GRM5: variants seen among roughly 807,000 people sequenced by gnomAD.
The protein encoded by GRM5 is glutamate metabotropic receptor 5, also known as metabotropic glutamate receptor 5.
Under a neutral mutation model 83.1 loss-of-function variants are expected in GRM5, and 19 were observed. The observed-to-expected ratio is 0.23, with a 90% CI of 0.16 to 0.34. GRM5 has a LOEUF of 0.34. GRM5 is among the 10% of genes least tolerant of loss of function. The pLI is 1.00. For synonymous variants in GRM5, 675 were observed against 633.6 expected (o/e 1.07, Z -0.98); for missense variants, 1,160 against 1,588.3 (o/e 0.73, Z 4.58).
chr11:89,047,450 C>G lies in GRM5; in HGVS notation c.423G>C (p.Lys141Asn), dbSNP rs1298226315. 2 of 1,614,062 alleles carry G rather than the reference C, an allele frequency of 1.2e-6. No homozygotes were observed. The highest frequency in any genetic ancestry group is 1.7e-6 in the Non-Finnish European group (2 of 1,180,012). The change falls in exon 2 of 10, where the codon AAG (lysine) becomes AAC (asparagine). Residue 141 changes from lysine to asparagine, a missense_variant. By Grantham distance (94) the Lys-to-Asn change is moderately conservative. Around this residue, in one of 9 missense-constraint regions of GRM5, gnomAD observed 39 missense variants for 36.7 expected, o/e 1.06. Coordinates refer to ENST00000305447, the MANE Select transcript of GRM5 (RefSeq NM_001143831.3). This position sits in a 1 kb window ranked among gnomAD's most constrained non-coding sequence, Gnocchi z 5.1. ...CAGGCCCAATGACCCCTACTATGGG[C>G]TTCTTGGAGCGGAAGGAAGAGGAGG... ...DGSSSSFRSK[K>N]PIVGVIGPGS... is the part of the protein sequence containing the mutation.
intron 2 of GRM5, among the ~76,000 whole-genome samples, chr11:88,955,947 T>C (rs1386683433): frequency 6.6e-6 from 1 of 152,252 alleles, no homozygotes; most frequent in Non-Finnish European, 1.5e-5. Flanking sequence ...TTAAAGTTCC[T>C]ATAAGATAGG....
chr11:89,012,366 C>A (rs1349509712), intron 2 of GRM5, among the ~76,000 whole-genome samples: 2 of 152,166 alleles, frequency 1.3e-5, no homozygotes, highest in East Asian at 1.9e-4. Context: ...GACTCGCACT[C>A]CTTACATCAG....
chr11:88,617,646 C>T (rs772229163), intron 4 of GRM5, among the ~76,000 whole-genome samples: 1 of 152,164 alleles, frequency 6.6e-6, no homozygotes, highest in Non-Finnish European at 1.5e-5. Context: ...GGTGCAAAGG[C>T]AACAGTGTCT....
intron 9 of GRM5, among the ~76,000 whole-genome samples, chr11:88,514,023 C>A (rs547603817): frequency 6.6e-6 from 1 of 151,892 alleles, no homozygotes; most frequent in Non-Finnish European, 1.5e-5. Context: ...ATCTATGGCA[C>A]GTCACCTTCC....
chr11:88,572,175 C>A (rs1383696817), intron 7 of GRM5, among the ~76,000 whole-genome samples: 1 of 152,128 alleles, frequency 6.6e-6, no homozygotes, highest in African/African-American at 2.4e-5. Flanking sequence ...GTGGAAGTTA[C>A]AGCTTTAGGA....
intron 2 of GRM5, among the ~76,000 whole-genome samples, chr11:88,879,080 G>A (rs1452115981): frequency 6.6e-6 from 1 of 152,016 alleles, no homozygotes; most frequent in East Asian, 1.9e-4. Flanking sequence ...TATAAATTTA[G>A]ATGTCAGTTA....
intron 1 of GRM5, among the ~76,000 whole-genome samples, chr11:89,059,550 C>T (rs1941945387): frequency 6.6e-6 from 1 of 151,940 alleles, no homozygotes; most frequent in South Asian, 2.1e-4. Context: ...GCTTTGTCAC[C>T]TTTGTTTGTA....
intron 2 of GRM5, among the ~76,000 whole-genome samples, chr11:88,949,353 T>G (rs946502815): frequency 1.3e-5 from 2 of 152,246 alleles, no homozygotes; most frequent in Non-Finnish European, 2.9e-5. Context: ...GCCTGTTCAG[T>G]ATGTCTCTTT....
Position 88,849,894 on chromosome 11 carries a change from A to G in GRM5, c.911+12T>C. On this transcript the variant is annotated intron_variant, in intron 3 of 9. Transcript: ENST00000305447. ...GTATTAACTCCATGTAAATTTTCTT[A>G]TTATCACTCACCTGCCCAGAAGCAG... 1 of 1,612,960 alleles carries G rather than the reference A, an allele frequency of 6.2e-7. No homozygotes were observed. The highest frequency in any genetic ancestry group is 8.5e-7 in the Non-Finnish European group (1 of 1,179,264).
chr11:88,995,570 AG>A lies in GRM5; in HGVS notation c.661+51641del, dbSNP rs1372142567. Among the ~76,000 whole-genome samples, 11 of 147,966 alleles carry A rather than the reference AG, an allele frequency of 7.4e-5. No individual in the cohort carries two copies. The East Asian group carries it at 9.9e-4, about 13-fold the overall frequency. ...AAAAAAAAAAAAAAAAAAAAAAAAA[AG>A]GCCAGTGAAGTACATGGTATAAGGT... On this transcript the variant is annotated intron_variant, in intron 2 of 9. Coordinates refer to ENST00000305447, the MANE Select transcript of GRM5 (RefSeq NM_001143831.3).
chr11:88,581,109 T>C (rs1276948726), intron 7 of GRM5, among the ~76,000 whole-genome samples: 1 of 152,114 alleles, frequency 6.6e-6, no homozygotes, highest in East Asian at 1.9e-4. Context: ...CAAGATTCCA[T>C]CTCAATAAAT....
intron 3 of GRM5, among the ~76,000 whole-genome samples, chr11:88,707,886 A>G (rs956749283): frequency 6.6e-6 from 1 of 152,080 alleles, no homozygotes; most frequent in African/African-American, 2.4e-5. Flanking sequence ...TAGATCAAAG[A>G]AAGATCAGGT....
chr11:88,837,998 T>C (rs1446086576), intron 3 of GRM5, among the ~76,000 whole-genome samples: 1 of 141,690 alleles, frequency 7.1e-6, no homozygotes, highest in Non-Finnish European at 1.5e-5. Flanking sequence ...GGCAGGAGAA[T>C]GTCGTGAACC....
chr11:88,943,371 A>T (rs1268769715), intron 2 of GRM5, among the ~76,000 whole-genome samples: 1 of 152,088 alleles, frequency 6.6e-6, no homozygotes, highest in Non-Finnish European at 1.5e-5. Flanking sequence ...GCAATCAGAT[A>T]ATCTTTTTCA....
At chr11:88,737,378 A>G (rs1385844856) in intron 3 of GRM5, among the ~76,000 whole-genome samples, 1 of 152,064 alleles carries the variant, frequency 6.6e-6, no homozygotes, top group Non-Finnish European at 1.5e-5. Flanking sequence ...TGGTGCTTTA[A>G]TCCAGTAGGT....
chr11:89,027,754 A>G (rs911544651), intron 2 of GRM5, among the ~76,000 whole-genome samples: 11 of 152,228 alleles, frequency 7.2e-5, no homozygotes, highest in Non-Finnish European at 4.4e-5. Context: ...GTATGTATTT[A>G]TTTGACCTCC....
chr11:88,951,194 A>G (rs145163312), intron 2 of GRM5, among the ~76,000 whole-genome samples: 40 of 152,334 alleles, frequency 2.6e-4, no homozygotes, highest in African/African-American at 8.7e-4. Flanking sequence ...TGCTGAATTG[A>G]AACCTGAAAG....
At chr11:88,764,691 G>A (rs907953496) in intron 3 of GRM5, among the ~76,000 whole-genome samples, 41 of 151,468 alleles carry the variant, frequency 2.7e-4, no homozygotes, top group African/African-American at 9.2e-4. Context: ...AAAAATTATG[G>A]GATGCAGCAA....
intron 8 of GRM5, among the ~76,000 whole-genome samples, chr11:88,531,369 T>C (rs1338169263): frequency 6.6e-6 from 1 of 152,118 alleles, no homozygotes; most frequent in African/African-American, 2.4e-5. Flanking sequence ...ACAGGGACTC[T>C]ATATGGTTTG....
Sources: gnomAD v4.1 joint callset for allele counts (sites outside exome capture counted in the v4.1 genomes callset) on GRCh38, gnomAD v4.1.1 for gene constraint, gnomAD v4.1.1 regional missense constraint, Gnocchi (gnomAD v3.1) non-coding constraint, MANE v1.5 for transcripts, NCBI Gene and HGNC (gene_info 2026-07-23, HGNC 2026-07-21) for gene names.